Variants in SPACA6 observed in about 807,000 individuals in gnomAD.
The protein encoded by SPACA6 is sperm acrosome associated 6.
For missense variants in SPACA6, 8 were observed against 2.8 expected (o/e 2.88, Z -1.34); for synonymous variants, 6 against 1.5 (o/e 4.05, Z -2.21).
intron 2 of SPACA6, among the ~76,000 whole-genome samples, chr19:51,701,396 G>A (rs772778282): frequency 6.6e-6 from 1 of 152,124 alleles, no homozygotes; most frequent in Non-Finnish European, 1.5e-5. Context: ...CTTCCATCCT[G>A]GAGAGATTCA....
At chr19:51,706,316 T>C (rs367994033), downstream of SPACA6, among the ~76,000 whole-genome samples, 107 of 152,296 alleles carry the variant, frequency 7.0e-4, 2 homozygotes, top group African/African-American at 2.4e-3. Flanking sequence ...TTAACTCTTA[T>C]GATTTCCCCT....
chr19:51,684,332 G>C (rs1385269354), upstream of SPACA6, among the ~76,000 whole-genome samples: 1 of 152,190 alleles, frequency 6.6e-6, no homozygotes, highest in Non-Finnish European at 1.5e-5. Flanking sequence ...AAACAGCAGA[G>C]CAGCTGAAGG....
intron 2 of SPACA6, among the ~76,000 whole-genome samples, chr19:51,695,715 C>A (rs974932302): frequency 2.0e-5 from 3 of 152,194 alleles, no homozygotes; most frequent in Non-Finnish European, 4.4e-5. Flanking sequence ...GATGAGGAAC[C>A]TTTGGATCTG....
rs1259022621 is a variant in SPACA6 at position 51,702,609 on chromosome 19, T to C, written c.362-20T>C. The C allele has an allele frequency of 2.5e-6, 1 of 399,098 alleles. No individual in the cohort carries two copies. Among genetic ancestry groups the C allele is most frequent in the African/African-American group, 2.1e-5 (1 of 48,734 alleles). 24.7% of individuals were successfully genotyped at this position (399,098 alleles called of 1,614,324 possible). Reference sequence around the variant, plus strand: ...TCTTCCCATGACTGTAAGGTAGTGATGTTTCCTCTTCCTCCACAGCCCAGG... The same window carrying C: ...TCTTCCCATGACTGTAAGGTAGTGACGTTTCCTCTTCCTCCACAGCCCAGG... On this transcript the variant is annotated intron_variant, in intron 3 of 8. Transcript: ENST00000637797.
At chr19:51,699,812 G>T (rs8108016) in intron 2 of SPACA6, among the ~76,000 whole-genome samples, 1 of 151,928 alleles carries the variant, frequency 6.6e-6, no homozygotes. Flanking sequence ...TTTGGTTGCG[G>T]GGGATGGGGG....
chr19:51,693,793 G>T (rs1166249010), intron 1 of SPACA6, 53 bp downstream of exon 1: 8 of 403,474 alleles, frequency 2.0e-5, no homozygotes, highest in Non-Finnish European at 3.5e-5. Flanking sequence ...GCAGAGGGAG[G>T]GCAGGAGAGG....
chr19:51,690,552 C>T (rs1249196964), upstream of SPACA6, among the ~76,000 whole-genome samples: 2 of 152,124 alleles, frequency 1.3e-5, no homozygotes, highest in Admixed American at 1.3e-4. Context: ...TGGTGCCAGA[C>T]TGTTTGGGTC....
intron 2 of SPACA6, among the ~76,000 whole-genome samples, chr19:51,699,275 C>T (rs888103634): frequency 2.6e-5 from 4 of 152,298 alleles, no homozygotes; most frequent in Admixed American, 2.6e-4. Flanking sequence ...TCCCGAGTAG[C>T]TGTGATTCCA....
chr19:51,708,336 A>G (rs139915210), downstream of SPACA6, among the ~76,000 whole-genome samples: 22 of 148,704 alleles, frequency 1.5e-4, no homozygotes, highest in South Asian at 6.6e-4. Context: ...ATTTCTTACT[A>G]TGTCACAGAC....
At chr19:51,693,982 G>C in intron 1 of SPACA6, 2 of 296,918 alleles carry the variant, frequency 6.7e-6, no homozygotes, top group Non-Finnish European at 1.2e-5. Flanking sequence ...ACTCAGAGAG[G>C]GGGAGGATGG....
At chr19:51,697,800 A>T (rs1387424996) in intron 2 of SPACA6, among the ~76,000 whole-genome samples, 1 of 152,116 alleles carries the variant, frequency 6.6e-6, no homozygotes, top group East Asian at 1.9e-4. Flanking sequence ...AGGTGTGGAG[A>T]TTATGTATGC....
intron 2 of SPACA6, among the ~76,000 whole-genome samples, chr19:51,699,427 A>T (rs1007520088): frequency 2.0e-5 from 3 of 152,152 alleles, no homozygotes; most frequent in Non-Finnish European, 2.9e-5. Flanking sequence ...TGTTCTGTGG[A>T]TATAGGTTAT....
At position 51,694,554 on chromosome 19, in the gene SPACA6, G is replaced by A; in HGVS notation, c.291G>A (p.Gln97=). 1 of 399,708 alleles carries A rather than the reference G, an allele frequency of 2.5e-6. No homozygotes were observed. The highest frequency in any genetic ancestry group is 4.4e-5 in the Admixed American group (1 of 22,750). 24.8% of individuals were successfully genotyped at this position (399,708 alleles called of 1,614,324 possible). ...CCCTGCAGGAGCTGGCTGCTGCCCA[G>A]GGTGAGTGTGTGGGGATGGGGAGAT... ...THALQELAAA[Q]GSFEVAFPDA... is the part of the protein sequence containing the mutation. The change falls in exon 2 of 9, where the codon CAG becomes CAA. Residue 97 remains glutamine, a splice_region_variant and synonymous_variant. Coordinates refer to ENST00000637797, the MANE Select transcript of SPACA6 (RefSeq NM_001316972.2).
upstream of SPACA6, chr19:51,692,702 G>A (rs374363339): frequency 3.2e-5 from 17 of 533,540 alleles, no homozygotes; most frequent in African/African-American, 3.1e-4. The surrounding 1 kb of genome is among the most constrained non-coding windows in gnomAD (Gnocchi z 5.6). Flanking sequence ...CATCGCGGCT[G>A]GGGCCTCCCC....
At chr19:51,689,639 G>A (rs1382040886), upstream of SPACA6, 3 of 150,116 alleles carry the variant, frequency 2.0e-5, no homozygotes, top group Non-Finnish European at 3.0e-5. Context: ...GGGTCCCTGA[G>A]GGAGGAGCAC....
upstream of SPACA6, among the ~76,000 whole-genome samples, chr19:51,690,591 G>C (rs943304918): frequency 8.5e-5 from 13 of 152,066 alleles, no homozygotes; most frequent in Non-Finnish European, 2.9e-5. Context: ...GGCTCCCCAG[G>C]GTCCGCAGAG....
chr19:51,691,388 A>C (rs1199784032), upstream of SPACA6, among the ~76,000 whole-genome samples: 1 of 150,628 alleles, frequency 6.6e-6, no homozygotes, highest in East Asian at 2.0e-4. Flanking sequence ...GACATCCGAA[A>C]AAAGGGGGTG....
At chr19:51,700,110 C>A (rs896519296) in intron 2 of SPACA6, among the ~76,000 whole-genome samples, 1 of 152,074 alleles carries the variant, frequency 6.6e-6, no homozygotes, top group African/African-American at 2.4e-5. Flanking sequence ...AAAAATTCGC[C>A]GAGCATGGTG....
chr19:51,687,775 T>C, upstream of SPACA6: 1 of 152,422 alleles, frequency 6.6e-6, no homozygotes, highest in Non-Finnish European at 1.5e-5. Flanking sequence ...CTCTACCCTC[T>C]TCTTCCTCCT....
Sources: gnomAD v4.1 joint callset for allele counts (sites outside exome capture counted in the v4.1 genomes callset) on GRCh38, gnomAD v4.1.1 for gene constraint, Gnocchi (gnomAD v3.1) non-coding constraint, MANE v1.5 for transcripts, NCBI Gene and HGNC (gene_info 2026-07-23, HGNC 2026-07-21) for gene names.